Variants in ALKBH3 observed in about 807,000 individuals in gnomAD.
The protein encoded by ALKBH3 is alkB homolog 3, alpha-ketoglutarate dependent dioxygenase.
A neutral mutation model predicts 43.9 loss-of-function variants in ALKBH3; 51 were observed. That is an observed-to-expected ratio of 1.16 (90% CI 0.93 to 1.47). The LOEUF (loss-of-function observed/expected upper bound fraction) is 1.47. ALKBH3 is among the 40% of genes most tolerant of loss of function. The pLI, the probability that ALKBH3 is intolerant of heterozygous loss-of-function variation, is 0.00. For missense variants in ALKBH3, 361 were observed against 351.9 expected, an observed-to-expected ratio of 1.03 and a Z score of -0.21; for synonymous variants, 102 against 115.2, an observed-to-expected ratio of 0.89 and a Z score of 0.73.
At chr11:43,904,693 T>G (rs1020396806) in intron 8 of ALKBH3, among the ~76,000 whole-genome samples, 1 of 152,220 alleles carries the variant, frequency 6.6e-6, no homozygotes, top group Non-Finnish European at 1.5e-5. Context: ...ATCTTTATCT[T>G]ATAAATAATC....
intron 4 of ALKBH3, among the ~76,000 whole-genome samples, chr11:43,885,290 T>A (rs535476462): frequency 5.1e-4 from 77 of 152,342 alleles, no homozygotes; most frequent in African/African-American, 1.8e-3. Context: ...TCTTCCATAT[T>A]TAAAGTGAGC....
chr11:43,894,900 GAAC>G (rs376292972), intron 7 of ALKBH3, among the ~76,000 whole-genome samples: 20 of 152,254 alleles, frequency 1.3e-4, no homozygotes, highest in African/African-American at 4.8e-4. Flanking sequence ...TAAAAAAGGA[GAAC>G]AAGAGATAAA....
In ALKBH3 at chr11:43,915,207, C is replaced by T. The variant is rs887786097; in HGVS notation, c.670-3831C>T. Among the ~76,000 whole-genome samples, 6 of 105,268 alleles carry T rather than the reference C, an allele frequency of 5.7e-5. No individual in the cohort carries two copies. In the Admixed American group the frequency reaches 6.3e-4, roughly 11 times the overall value. The allele number at this position is 105,268 out of a possible 152,430, so 69.1% of individuals were successfully genotyped here. A position where few individuals can be genotyped will look rare whatever the true frequency, so the allele number is the denominator to read the frequency against. The stretch of plus-strand genomic sequence containing the variant: ...TGGGTGACAGAGTGAGACTCTGTCT[C>T]AAAAAAAGAAAAAAAAAAAAAAAAG... On this transcript the variant is annotated intron_variant, in intron 8 of 9. Transcript: ENST00000302708.
Position 43,883,208 on chromosome 11 carries a change from T to G in ALKBH3, c.183+20T>G, listed in dbSNP as rs1365109575. The G allele has an allele frequency of 5.7e-6, 9 of 1,584,418 alleles. No individual in the cohort carries two copies. The highest frequency in any genetic ancestry group is 7.8e-6 in the Non-Finnish European group (9 of 1,158,646). On this transcript the variant is annotated intron_variant, in intron 3 of 9. Transcript: ENST00000302708. ...CAGCAGGTAAATTCATGGTTTTTTC[T>G]TCAATAGTGATAAAAATTTGCTTAG...
intron 6 of ALKBH3, among the ~76,000 whole-genome samples, chr11:43,890,492 A>G (rs952952175): frequency 5.3e-5 from 8 of 152,204 alleles, no homozygotes; most frequent in African/African-American, 1.4e-4. Context: ...GGCAAAGTAT[A>G]TATAGTTGTC....
At chr11:43,907,594 G>A (rs1951904759) in intron 8 of ALKBH3, among the ~76,000 whole-genome samples, 1 of 152,118 alleles carries the variant, frequency 6.6e-6, no homozygotes, top group Non-Finnish European at 1.5e-5. Context: ...CTATTCCTAA[G>A]CCATCTGGTA....
At chr11:43,918,014 T>G (rs1951997444) in intron 8 of ALKBH3, among the ~76,000 whole-genome samples, 1 of 152,208 alleles carries the variant, frequency 6.6e-6, no homozygotes, top group African/African-American at 2.4e-5. Flanking sequence ...CATACAGTAA[T>G]AAACATAAAC....
In ALKBH3 at chr11:43,882,675, C is replaced by A. The variant is rs749077175; in HGVS notation, c.23C>A (p.Ala8Asp). Residue 8 changes from alanine (A) to aspartate (D), a missense_variant, in exon 2 of 10, where the codon GCC (alanine) becomes GAC (aspartate). Transcript: ENST00000302708. ...AACATGGAGGAAAAAAGACGGCGAGCCCGAGTTCAGGGAGCCTGGGCTGCC... is the reference window on the plus strand; with the variant it reads ...AACATGGAGGAAAAAAGACGGCGAGACCGAGTTCAGGGAGCCTGGGCTGCC... Reference protein sequence around the residue: MEEKRRRARVQGAWAAPV... With the variant: MEEKRRRDRVQGAWAAPV... 6.2e-7 allele frequency: 1 copy of A among 1,613,308 alleles called. No homozygotes were observed. The highest frequency in any genetic ancestry group is 8.5e-7 in the Non-Finnish European group (1 of 1,179,770).
rs887411487 is a variant in ALKBH3, at chr11:43,892,125, C to T, written c.455C>T (p.Pro152Leu). ...TCAAGAATCACTATGGAACCAAATC[C>T]TCACGTATGTCAACATATTGTCATT... is the stretch of plus-strand genomic sequence containing the variant. ...TYSRITMEPNPHWHPVLRTLK... is the reference protein window; with the variant it reads ...TYSRITMEPNLHWHPVLRTLK... Residue 152 changes from proline (P) to leucine (L), a missense_variant, in exon 7 of 10, where the codon CCT (proline) becomes CTT (leucine). Pro to Leu is a moderately conservative substitution (Grantham distance 98). Coordinates refer to ENST00000302708, the MANE Select transcript of ALKBH3 (RefSeq NM_139178.4). 9 of 1,604,148 alleles carry T rather than the reference C, an allele frequency of 5.6e-6. No homozygotes were observed. The highest frequency in any genetic ancestry group is 1.1e-5 in the South Asian group (1 of 90,850).
In ALKBH3 at chr11:43,920,012, G is replaced by C. The variant is rs202067270; in HGVS notation, c.*2G>C. On this transcript the variant is annotated 3_prime_UTR_variant, in exon 10 of 10. Transcript: ENST00000302708. ...GACCCTCGAGGGGCACCCTGGTGAC[G>C]TCAGAGCTTTGAGAGAGAAGCTTCA... 2 of 1,612,674 alleles carry C rather than the reference G, an allele frequency of 1.2e-6. No homozygotes were observed. Among genetic ancestry groups the C allele is most frequent in the Admixed American group, 3.3e-5 (2 of 59,986 alleles).
intron 5 of ALKBH3, among the ~76,000 whole-genome samples, chr11:43,889,342 C>G (rs1444619896): frequency 6.6e-6 from 1 of 152,190 alleles, no homozygotes; most frequent in Non-Finnish European, 1.5e-5. Context: ...TCTATTTACT[C>G]TTCACAGTGA....
chr11:43,910,578 A>G (rs1951930624), intron 8 of ALKBH3: 1 of 152,206 alleles, frequency 6.6e-6, no homozygotes. Flanking sequence ...TGGTAAGTTC[A>G]TTTATGTTCA....
intron 8 of ALKBH3, among the ~76,000 whole-genome samples, chr11:43,907,199 T>TAG (rs952240021): frequency 2.1e-4 from 31 of 149,008 alleles, no homozygotes; most frequent in South Asian, 8.5e-4. Flanking sequence ...TGAGGGTGAG[T>TAG]AGAGAGAGAG....
At chr11:43,910,873 A>G (rs1750482210) in intron 8 of ALKBH3, among the ~76,000 whole-genome samples, 1 of 152,074 alleles carries the variant, frequency 6.6e-6, no homozygotes, top group Non-Finnish European at 1.5e-5. Context: ...ATTTCCAGGA[A>G]CAGTTCTTTC....
chr11:43,902,384 A>G (rs34123173), intron 8 of ALKBH3, among the ~76,000 whole-genome samples: 163 of 152,344 alleles, frequency 1.1e-3, no homozygotes, highest in African/African-American at 3.9e-3. Context: ...TACCTCAATT[A>G]TGTGACATTT....
intron 3 of ALKBH3, 117 bp downstream of exon 3, chr11:43,883,305 G>A: frequency 1.5e-6 from 1 of 687,812 alleles, no homozygotes; most frequent in Non-Finnish European, 2.4e-6. Flanking sequence ...CAGAGCAGAA[G>A]AACTATAATA....
intron 9 of ALKBH3, chr11:43,919,616 G>A (rs970547506): frequency 2.4e-5 from 8 of 340,088 alleles, no homozygotes; most frequent in African/African-American, 1.7e-4. Context: ...CCTCTCTTTG[G>A]TCTCATCCAT....
At position 43,919,011 on chromosome 11, in the gene ALKBH3, T is replaced by A. The variant is rs1194765877; in HGVS notation, c.670-27T>A. 4 of 1,567,036 alleles carry A rather than the reference T, an allele frequency of 2.6e-6. No homozygotes were observed. In the South Asian group the frequency reaches 4.5e-5, roughly 17 times the overall value. ...GCATCTTGATTACACAGGCAAAACA[T>A]TTATTACAACAAATGCTGTTTTCTA... On this transcript the variant is annotated intron_variant, in intron 8 of 9. Transcript: ENST00000302708.
intron 8 of ALKBH3, among the ~76,000 whole-genome samples, chr11:43,906,305 T>G (rs1029747756): frequency 1.3e-5 from 2 of 152,008 alleles, no homozygotes; most frequent in Non-Finnish European, 2.9e-5. Context: ...AAGAGTGGAG[T>G]ATAAAAAGGT....
Sources: allele counts gnomAD v4.1 joint callset (sites outside exome capture counted in the v4.1 genomes callset), GRCh38; gene constraint gnomAD v4.1.1; transcripts MANE v1.5; gene names NCBI Gene and HGNC (gene_info 2026-07-23, HGNC 2026-07-21).